The following MED1 variants were observed in gnomAD, a reference collection of about 807,000 sequenced individuals.
MED1 encodes the protein mediator of RNA polymerase II transcription subunit 1.
In MED1, 17 loss-of-function variants were observed where a neutral mutation model predicts 121.3. The observed-to-expected ratio is 0.14, with a 90% CI of 0.10 to 0.21. The LOEUF is 0.21. Among genes scored for constraint, MED1 ranks in the 10% least tolerant of loss-of-function variants. MED1 has a pLI of 1.00. For missense variants in MED1, 1,558 were observed against 1,919.4 expected (o/e 0.81, Z 3.52); for synonymous variants, 661 against 694.4 (o/e 0.95, Z 0.76).
At chr17:39,416,434 T>C (rs888925999) in intron 14 of MED1, among the ~76,000 whole-genome samples, 2 of 152,234 alleles carry the variant, frequency 1.3e-5, no homozygotes, top group Non-Finnish European at 2.9e-5. Flanking sequence ...CATCATCATA[T>C]GTTCTTATGC....
rs1459572408 is a variant in MED1 at position 39,408,715 on chromosome 17, C to T, written c.3506G>A (p.Ser1169Asn). The change falls in exon 17 of 17, where the codon AGC becomes AAC. Residue 1169 changes from serine to asparagine, a missense_variant. This residue lies in a region of MED1 where 793 missense variants were observed against 898.2 expected (regional missense o/e 0.88). Transcript: ENST00000300651. The surrounding 1 kb of genome is among the most constrained non-coding windows in gnomAD (Gnocchi z 4.7). ...CTTTCCTTGAGGTTTCATCTTGGTG[C>T]TGCTAGAGCCACTGCTCAGTCCATG... Reference protein sequence around the residue: ...TKHGLSSGSSSTKMKPQGKPS... With the variant: ...TKHGLSSGSSNTKMKPQGKPS... The T allele has an allele frequency of 1.2e-6, 2 of 1,614,088 alleles. No individual in the cohort carries two copies. The highest frequency in any genetic ancestry group is 1.7e-6 in the Non-Finnish European group (2 of 1,180,048).
intron 7 of MED1, 75 bp from the exon 8 acceptor site, chr17:39,432,091 C>T (rs1352015634): frequency 9.1e-7 from 1 of 1,093,866 alleles, no homozygotes; most frequent in Non-Finnish European, 1.4e-6. Flanking sequence ...GCCTGTAATC[C>T]CAGCACCTTG....
At chr17:39,439,282 T>C (rs2048649868) in intron 5 of MED1, 89 bp from the exon 6 acceptor site, 1 of 1,001,224 alleles carries the variant, frequency 1.0e-6, no homozygotes, top group East Asian at 2.6e-5. Context: ...CTATAGCACA[T>C]GTTTTACAAC....
intron 16 of MED1, among the ~76,000 whole-genome samples, chr17:39,411,485 G>A (rs973885234): frequency 6.6e-6 from 1 of 151,618 alleles, no homozygotes; most frequent in Non-Finnish European, 1.5e-5. Flanking sequence ...AGCCAGCCGT[G>A]GCGGTGCACA....
At position 39,424,653 on chromosome 17, in the gene MED1, C is replaced by G. The variant is rs1001203949; in HGVS notation, c.825G>C (p.Met275Ile). 6.2e-7 allele frequency: 1 copy of G among 1,600,728 alleles called. No homozygotes were observed. The highest frequency in any genetic ancestry group is 8.5e-7 in the Non-Finnish European group (1 of 1,171,622). The change falls in exon 11 of 17, where the codon ATG becomes ATC. Residue 275 changes from methionine to isoleucine, a missense_variant. This residue lies in a region of MED1 where 443 missense variants were observed against 532.4 expected (regional missense o/e 0.83). Coordinates refer to ENST00000300651, the MANE Select transcript of MED1 (RefSeq NM_004774.4). ...ATTTATTGTCAACTGGATGTGACCC[C>G]ATAATTAATGGTGCAATTGGGAGTT... ...VYKLPIAPLI[M>I]GSHPVDNKWT...
Position 39,409,503 on chromosome 17 carries a change from C to A in MED1, c.2718G>T (p.Leu906Phe), listed in dbSNP as rs1244654902. 8 of 1,614,064 alleles carry A rather than the reference C, an allele frequency of 5.0e-6. No individual in the cohort carries two copies. Among genetic ancestry groups the A allele is most frequent in the Non-Finnish European group, 6.8e-6 (8 of 1,180,038 alleles). Residue 906 changes from leucine to phenylalanine, a missense_variant, in exon 17 of 17, where the codon TTG becomes TTT. Leu to Phe is a conservative substitution (Grantham distance 22). This residue lies in a region of MED1 where 793 missense variants were observed against 898.2 expected (regional missense o/e 0.88). Coordinates refer to ENST00000300651, the MANE Select transcript of MED1 (RefSeq NM_004774.4). Reference sequence around the variant, plus strand: ...TATCACCTCCAAGCATTGGCACCCCCAAAGTATTTAGTGCCTGAGATGCAA... The same window carrying A: ...TATCACCTCCAAGCATTGGCACCCCAAAAGTATTTAGTGCCTGAGATGCAA... ...KGFASQALNT[L>F]GVPMLGGDNG...
Position 39,409,520 on chromosome 17 carries a change from G to C in MED1, c.2701C>G (p.Gln901Glu). ...GGCACCCCCAAAGTATTTAGTGCCT[G>C]AGATGCAAATCCTTTGAAATCATCA... ...DNDDFKGFAS[Q>E]ALNTLGVPML... Residue 901 changes from glutamine (Q) to glutamate (E), a missense_variant, in exon 17 of 17, where the codon CAG (glutamine) becomes GAG (glutamate). Gln to Glu is a conservative substitution (Grantham distance 29, BLOSUM62 2). Coordinates refer to ENST00000300651, the MANE Select transcript of MED1 (RefSeq NM_004774.4). 3.1e-6 allele frequency: 5 copies of C among 1,614,138 alleles called. No individual in the cohort carries two copies. Among genetic ancestry groups the C allele is most frequent in the Non-Finnish European group, 3.4e-6 (4 of 1,180,024 alleles).
In MED1 at chr17:39,407,811, G is replaced by A. The variant is rs144008522; in HGVS notation, c.4410C>T (p.Ser1470=). The change falls in exon 17 of 17, where the codon TCC becomes TCT. Residue 1470 remains serine, a synonymous_variant. Transcript: ENST00000300651. ...NLDSESESGS[S]IAEKSYQNSP... Reference sequence around the variant, plus strand: ...TATTCTGATAAGATTTCTCTGCTATGGAGGAGCCTGACTCACTTTCACTGT... The same window carrying A: ...TATTCTGATAAGATTTCTCTGCTATAGAGGAGCCTGACTCACTTTCACTGT... The A allele has an allele frequency of 1.2e-6, 2 of 1,614,154 alleles. No individual in the cohort carries two copies. The highest frequency in any genetic ancestry group is 1.7e-6 in the Non-Finnish European group (2 of 1,180,034).
chr17:39,414,405 G>A (rs538600006), intron 16 of MED1, among the ~76,000 whole-genome samples: 3 of 149,846 alleles, frequency 2.0e-5, no homozygotes, highest in South Asian at 2.1e-4. Flanking sequence ...GCATGATCTC[G>A]GCTCACTGCA....
chr17:39,426,401 C>T (rs577366728), intron 10 of MED1, among the ~76,000 whole-genome samples: 38 of 151,996 alleles, frequency 2.5e-4, no homozygotes, highest in South Asian at 1.9e-3. Context: ...GAGCTGAGAT[C>T]GCACTACTGC....
intron 9 of MED1, among the ~76,000 whole-genome samples, chr17:39,428,356 C>T (rs145079004): frequency 5.5e-4 from 84 of 152,208 alleles, no homozygotes; most frequent in Middle Eastern, 6.8e-3. Context: ...TGGTGGCACG[C>T]GCCTGTAGTC....
At chr17:39,425,745 T>C (rs948941291) in intron 10 of MED1, among the ~76,000 whole-genome samples, 13 of 150,258 alleles carry the variant, frequency 8.7e-5, no homozygotes, top group Non-Finnish European at 1.9e-4. Context: ...GAGGTTGCAG[T>C]GAGCCGAAAT....
chr17:39,415,197 G>A, intron 15 of MED1, 47 bp downstream of exon 15: 1 of 1,608,666 alleles, frequency 6.2e-7, no homozygotes, highest in Non-Finnish European at 8.5e-7. Context: ...AAAAGACATA[G>A]GGACCAAACC....
chr17:39,419,358 G>A (rs190743757), intron 14 of MED1, among the ~76,000 whole-genome samples: 1 of 151,596 alleles, frequency 6.6e-6, no homozygotes, highest in Admixed American at 6.6e-5. Context: ...TTACAGGCGT[G>A]AGCCACCACA....
At chr17:39,430,116 A>G (rs1324948969) in intron 9 of MED1, among the ~76,000 whole-genome samples, 1 of 151,782 alleles carries the variant, frequency 6.6e-6, no homozygotes, top group Non-Finnish European at 1.5e-5. Flanking sequence ...TGCAGTGGCT[A>G]ATACCTGTTT....
chr17:39,413,925 A>C (rs1429836933), intron 16 of MED1, among the ~76,000 whole-genome samples: 4 of 149,594 alleles, frequency 2.7e-5, no homozygotes, highest in African/African-American at 9.8e-5. Context: ...AAAAAAAAAA[A>C]AAAAAAAAAA....
chr17:39,408,438 T>C lies in MED1; in HGVS notation c.3783A>G (p.Pro1261=), dbSNP rs1183204038. Reference sequence around the variant, plus strand: ...AAGATGCCGTACAGGAATTAGATGATGGGGGAGTTTTCTGGGACAACGAGC... The same window carrying C: ...AAGATGCCGTACAGGAATTAGATGACGGGGGAGTTTTCTGGGACAACGAGC... The part of the protein sequence containing the change: ...SSGSLSQKTP[P]SSNSCTASSS... The change falls in exon 17 of 17, where the codon CCA becomes CCG. Residue 1261 remains proline, a synonymous_variant. Transcript: ENST00000300651. The surrounding 1 kb of genome is among the most constrained non-coding windows in gnomAD (Gnocchi z 4.7). The C allele has an allele frequency of 6.2e-6, 10 of 1,613,946 alleles. No homozygotes were observed. In the East Asian group the frequency reaches 2.2e-4, roughly 36 times the overall value.
At chr17:39,411,084 G>T (rs2048351273) in intron 16 of MED1, among the ~76,000 whole-genome samples, 1 of 152,210 alleles carries the variant, frequency 6.6e-6, no homozygotes, top group Admixed American at 6.5e-5. Context: ...ACTTTGGGAG[G>T]CCAAGGCGGC....
chr17:39,412,226 T>C (rs2048362585), intron 16 of MED1, among the ~76,000 whole-genome samples: 1 of 149,456 alleles, frequency 6.7e-6, no homozygotes, highest in South Asian at 2.1e-4. Flanking sequence ...AAATTTTTTT[T>C]TCTTTTTTTT....
Sources: allele counts gnomAD v4.1 joint callset (sites outside exome capture counted in the v4.1 genomes callset), GRCh38; gene constraint gnomAD v4.1.1; regional missense constraint gnomAD v4.1.1; non-coding constraint Gnocchi (gnomAD v3.1); transcripts MANE v1.5; gene names NCBI Gene and HGNC (gene_info 2026-07-23, HGNC 2026-07-21).